PSMA3: variants seen among roughly 807,000 people sequenced by gnomAD.
PSMA3 encodes the protein proteasome 20S subunit alpha 3.
A neutral mutation model predicts 40.0 loss-of-function variants in PSMA3; 8 were observed. The observed-to-expected ratio is 0.20, with a 90% CI of 0.12 to 0.36. PSMA3 has a LOEUF of 0.36. Among genes scored for constraint, PSMA3 ranks in the 10% least tolerant of loss-of-function variants. PSMA3 has a pLI of 1.00. For synonymous variants in PSMA3, 110 were observed against 100.0 expected (o/e 1.10, Z -0.59); for missense variants, 219 against 310.6 (o/e 0.70, Z 2.22).
At chr14:58,257,492 C>T (rs1340248891) in intron 3 of PSMA3, among the ~76,000 whole-genome samples, 2 of 148,982 alleles carry the variant, frequency 1.3e-5, no homozygotes, top group African/African-American at 5.0e-5. Context: ...AGCGAGACCC[C>T]GTATCAAAAA....
intron 3 of PSMA3, among the ~76,000 whole-genome samples, chr14:58,252,451 A>G: frequency 6.6e-6 from 1 of 152,122 alleles, no homozygotes; most frequent in East Asian, 1.9e-4. Flanking sequence ...GGTGAGGGAG[A>G]GGGCTGGGGA....
rs761218817 is a variant in PSMA3 at position 58,263,712 on chromosome 14, G to C, written c.485G>C (p.Trp162Ser). ...IDPSGVSYGY[W>S]GCAIGKARQA... ...ATATTTTTTTCTAAATAGGGTTATT[G>C]GGGCTGTGCCATCGGCAAAGCCAGG... Residue 162 changes from tryptophan (W) to serine (S), a missense_variant, in exon 7 of 11, where the codon TGG (tryptophan) becomes TCG (serine). Transcript: ENST00000216455. The C allele has an allele frequency of 6.2e-7, 1 of 1,612,710 alleles. No individual in the cohort carries two copies. The highest frequency in any genetic ancestry group is 8.5e-7 in the Non-Finnish European group (1 of 1,179,070).
At chr14:58,267,323 T>C (rs1890471928) in intron 7 of PSMA3, 151 bp from the exon 8 acceptor site, 1 of 1,201,886 alleles carries the variant, frequency 8.3e-7, no homozygotes, top group Non-Finnish European at 1.0e-6. Context: ...TTTCAAAACA[T>C]TAAAATATGA....
Position 58,271,997 on chromosome 14 carries a change from T to C in PSMA3, c.*102T>C. 2.3e-6 allele frequency: 2 copies of C among 885,428 alleles called. No individual in the cohort carries two copies. Among genetic ancestry groups the C allele is most frequent in the Non-Finnish European group, 3.5e-6 (2 of 569,100 alleles). The allele number at this position is 885,428 out of a possible 1,614,324, so 54.8% of individuals were successfully genotyped here. ...CTGTCCAATTTTCATTAAATTTTTG[T>C]CTTATAACTATTGAAGTTTGGTTAA... On this transcript the variant is annotated 3_prime_UTR_variant, in exon 11 of 11. Transcript: ENST00000216455.
chr14:58,252,317 G>C (rs888648006), intron 3 of PSMA3, 75 bp downstream of exon 3: 26 of 1,514,122 alleles, frequency 1.7e-5, no homozygotes, highest in African/African-American at 2.8e-5. Context: ...ATAGATCACT[G>C]TGCAGTCACA....
At chr14:58,267,269 T>G in intron 7 of PSMA3, 1 of 952,990 alleles carries the variant, frequency 1.0e-6, no homozygotes, top group Non-Finnish European at 1.3e-6. Context: ...CCCAAAGTGC[T>G]GGGATTACAG....
chr14:58,270,477 T>C lies in PSMA3; in HGVS notation c.650T>C (p.Val217Ala). 1 of 1,613,640 alleles carries C rather than the reference T, an allele frequency of 6.2e-7. No homozygotes were observed. Among genetic ancestry groups the C allele is most frequent in the East Asian group, 2.2e-5 (1 of 44,758 alleles). The change falls in exon 9 of 11, where the codon GTT (valine) becomes GCT (alanine). Residue 217 changes from valine to alanine, a missense_variant. Transcript: ENST00000216455. ...GCTTTTGAACTAGAACTCAGCTGGG[T>C]TGGTGAATGTAAGTTATTTTTGTAC... ...DKAFELELSW[V>A]GELTNGRHEI...
At chr14:58,267,427 G>A in intron 7 of PSMA3, 47 bp from the exon 8 acceptor site, 1 of 1,430,822 alleles carries the variant, frequency 7.0e-7, no homozygotes. Flanking sequence ...TATTACACAA[G>A]TGGAAAATGT....
chr14:58,270,497 T>C lies in PSMA3; in HGVS notation c.658+12T>C. 2.5e-6 allele frequency: 4 copies of C among 1,613,604 alleles called. No individual in the cohort carries two copies. The highest frequency in any genetic ancestry group is 3.4e-6 in the Non-Finnish European group (4 of 1,179,694). On this transcript the variant is annotated intron_variant, in intron 9 of 10. Coordinates refer to ENST00000216455, the MANE Select transcript of PSMA3 (RefSeq NM_002788.4). ...CTGGGTTGGTGAATGTAAGTTATTT[T>C]TGTACATTTATTTGCCTTAGGAATG... is the stretch of plus-strand genomic sequence containing the variant.
intron 3 of PSMA3, among the ~76,000 whole-genome samples, chr14:58,257,497 CAAAA>C (rs1188889919): frequency 1.5e-5 from 2 of 129,166 alleles, no homozygotes; most frequent in East Asian, 2.3e-4. Context: ...GACCCCGTAT[CAAAA>C]AAAAAAAAGG....
In PSMA3 at chr14:58,260,309, T is replaced by C. The variant is rs559555182; in HGVS notation, c.405-639T>C. Among the ~76,000 whole-genome samples, 1,006 of 152,344 alleles carry C rather than the reference T, an allele frequency of 6.6e-3. 14 individuals are homozygous for C. Among genetic ancestry groups the C allele is most frequent in the African/African-American group, 0.023 (957 of 41,564 alleles). On this transcript the variant is annotated intron_variant, in intron 5 of 10. Transcript: ENST00000216455. ...TAAATAGCTGTTACACTGTATTGTTTAGGGAATAATGACAAGAAAATCACA... is the reference window on the plus strand; with the variant it reads ...TAAATAGCTGTTACACTGTATTGTTCAGGGAATAATGACAAGAAAATCACA...
chr14:58,249,083 C>T (rs1889942457), intron 2 of PSMA3, among the ~76,000 whole-genome samples: 1 of 152,080 alleles, frequency 6.6e-6, no homozygotes, highest in African/African-American at 2.4e-5. Context: ...CTCTCAGCCT[C>T]CCAAGTAGCT....
intron 1 of PSMA3, among the ~76,000 whole-genome samples, chr14:58,246,662 G>T (rs1169906379): frequency 6.6e-6 from 1 of 152,160 alleles, no homozygotes; most frequent in Non-Finnish European, 1.5e-5. Context: ...CTCCCAAAGT[G>T]CTGGGATTAC....
chr14:58,245,490 C>G (rs1023089085), intron 1 of PSMA3: 1 of 152,624 alleles, frequency 6.6e-6, no homozygotes, highest in Non-Finnish European at 1.5e-5. Flanking sequence ...TCTGATGAAT[C>G]CTTCAGTTTT....
intron 6 of PSMA3, among the ~76,000 whole-genome samples, chr14:58,261,951 G>T (rs1890295127): frequency 6.6e-6 from 1 of 151,090 alleles, no homozygotes; most frequent in Admixed American, 6.6e-5. Context: ...TTATAAGATG[G>T]AGTGTCACTC....
intron 5 of PSMA3, among the ~76,000 whole-genome samples, chr14:58,258,643 T>G (rs1364932684): frequency 1.3e-5 from 2 of 152,058 alleles, no homozygotes; most frequent in East Asian, 1.9e-4. Context: ...GTTGAAGTGC[T>G]GATATTTTAT....
chr14:58,263,981 T>G (rs1429702671), intron 7 of PSMA3, among the ~76,000 whole-genome samples: 1 of 152,220 alleles, frequency 6.6e-6, no homozygotes, highest in Non-Finnish European at 1.5e-5. Context: ...TTTGGCCCCA[T>G]GTGGCCTGTG....
intron 6 of PSMA3, among the ~76,000 whole-genome samples, chr14:58,262,225 G>GA (rs1890302173): frequency 6.6e-6 from 1 of 151,764 alleles, no homozygotes; most frequent in Non-Finnish European, 1.5e-5. Context: ...CACAGTGCCG[G>GA]ACCTAATTTT....
At chr14:58,270,340 T>A in intron 8 of PSMA3, 78 bp from the exon 9 acceptor site, 1 of 1,569,402 alleles carries the variant, frequency 6.4e-7, no homozygotes, top group East Asian at 2.3e-5. Flanking sequence ...ACATTCTAAT[T>A]TGTACTGACT....
Sources: allele counts gnomAD v4.1 joint callset (sites outside exome capture counted in the v4.1 genomes callset), GRCh38; gene constraint gnomAD v4.1.1; transcripts MANE v1.5; gene names NCBI Gene and HGNC (gene_info 2026-07-23, HGNC 2026-07-21).